Variants in ZC3H7B observed in about 807,000 individuals in gnomAD.
ZC3H7B encodes zinc finger CCCH domain-containing protein 7B.
ZC3H7B carries 35 observed loss-of-function variants against 116.0 expected under a neutral mutation model. That is an observed-to-expected ratio of 0.30 (90% CI 0.23 to 0.40). The LOEUF is 0.40. Ranked by LOEUF, ZC3H7B falls within the 10% of genes least tolerant of loss-of-function variation. ZC3H7B has a pLI of 1.00. For synonymous variants in ZC3H7B, 502 were observed against 545.6 expected (o/e 0.92, Z 1.11); for missense variants, 1,011 against 1,321.5 (o/e 0.77, Z 3.64).
At chr22:41,353,346 C>G (rs1002082055) in intron 17 of ZC3H7B, among the ~76,000 whole-genome samples, 1 of 152,228 alleles carries the variant, frequency 6.6e-6, no homozygotes, top group African/African-American at 2.4e-5. Flanking sequence ...TCGCTCTTCT[C>G]CCTCCCCACC....
chr22:41,342,466 G>C, intron 11 of ZC3H7B, 63 bp from the exon 12 acceptor site: 1 of 1,523,776 alleles, frequency 6.6e-7, no homozygotes, highest in African/African-American at 1.4e-5. Flanking sequence ...TGGTGCCCTG[G>C]CTGGCCCCAG....
chr22:41,309,633 C>T (rs1454682477), intron 1 of ZC3H7B, among the ~76,000 whole-genome samples: 2 of 152,140 alleles, frequency 1.3e-5, no homozygotes, highest in South Asian at 2.1e-4. Flanking sequence ...CTTTCCATCA[C>T]TCCATGCCAC....
At chr22:41,303,581 T>C (rs1484994442) in intron 1 of ZC3H7B, among the ~76,000 whole-genome samples, 2 of 152,190 alleles carry the variant, frequency 1.3e-5, no homozygotes, top group Admixed American at 6.5e-5. Context: ...CTGTCCTCCA[T>C]AGCAACTGTG....
intron 6 of ZC3H7B, among the ~76,000 whole-genome samples, chr22:41,331,614 TA>T (rs2036385949): frequency 6.7e-6 from 1 of 149,446 alleles, no homozygotes; most frequent in Non-Finnish European, 1.5e-5. Flanking sequence ...TTCATGCCTA[TA>T]ATCGTAGTAC....
chr22:41,355,641 G>A (rs1315796802), intron 18 of ZC3H7B, 39 bp downstream of exon 18: 1 of 1,612,978 alleles, frequency 6.2e-7, no homozygotes, highest in South Asian at 1.1e-5. Context: ...GTGGGATGGG[G>A]CCACCCTACC....
chr22:41,334,781 C>T (rs2036422829), intron 7 of ZC3H7B: 1 of 152,220 alleles, frequency 6.6e-6, no homozygotes, highest in Non-Finnish European at 1.5e-5. Flanking sequence ...GTAGGTTCTC[C>T]ACCATGAGCA....
chr22:41,306,328 T>A (rs2036040539), intron 1 of ZC3H7B, among the ~76,000 whole-genome samples: 1 of 152,100 alleles, frequency 6.6e-6, no homozygotes, highest in South Asian at 2.1e-4. Context: ...AGCAATTCTC[T>A]AGGCCCTGTT....
intron 7 of ZC3H7B, chr22:41,332,990 G>C (rs1268759538): frequency 6.6e-6 from 1 of 152,260 alleles, no homozygotes; most frequent in Non-Finnish European, 1.5e-5. Flanking sequence ...CCTGGCACAC[G>C]ACTGAGACCC....
At chr22:41,306,345 G>C (rs938736561) in intron 1 of ZC3H7B, among the ~76,000 whole-genome samples, 2 of 151,322 alleles carry the variant, frequency 1.3e-5, no homozygotes, top group Non-Finnish European at 2.9e-5. Context: ...TGTTGCAAGT[G>C]CTTTTTCCTA....
At chr22:41,342,678 CT>C in intron 12 of ZC3H7B, 50 bp downstream of exon 12, 1 of 1,512,120 alleles carries the variant, frequency 6.6e-7, no homozygotes, top group Non-Finnish European at 9.0e-7. Context: ...AACTGGGAAT[CT>C]CAGGAACATG....
intron 1 of ZC3H7B, among the ~76,000 whole-genome samples, chr22:41,309,993 C>T (rs549777288): frequency 6.6e-6 from 1 of 151,972 alleles, no homozygotes; most frequent in East Asian, 1.9e-4. Flanking sequence ...ATCACAAGTT[C>T]AGGAGATCGA....
At chr22:41,328,519 T>G (rs1024613303) in intron 5 of ZC3H7B, among the ~76,000 whole-genome samples, 1 of 152,184 alleles carries the variant, frequency 6.6e-6, no homozygotes, top group Non-Finnish European at 1.5e-5. Context: ...TTCCTTGCCC[T>G]TTTGTGCCTG....
chr22:41,356,835 G>A (rs368074715), intron 22 of ZC3H7B, 27 bp downstream of exon 22: 44 of 1,612,074 alleles, frequency 2.7e-5, no homozygotes, highest in Non-Finnish European at 3.3e-5. Context: ...AGGGCCTGGC[G>A]GGACATGGGG....
intron 1 of ZC3H7B, among the ~76,000 whole-genome samples, chr22:41,308,461 C>T (rs945134448): frequency 3.9e-5 from 6 of 152,052 alleles, no homozygotes; most frequent in South Asian, 2.1e-4. Flanking sequence ...GTGAAACGGC[C>T]GTACTGATCC....
chr22:41,356,231 G>A (rs1485713716), intron 20 of ZC3H7B, 112 bp from the exon 21 acceptor site: 8 of 1,544,284 alleles, frequency 5.2e-6, no homozygotes, highest in South Asian at 1.2e-5. Flanking sequence ...GAGGCTGAGC[G>A]GCCTATCAGC....
chr22:41,349,306 G>T lies in ZC3H7B; in HGVS notation c.1948+5G>T. The T allele has an allele frequency of 6.2e-7, 1 of 1,612,816 alleles. No homozygotes were observed. ...GGCTGCTGCAGCAGTACTCAGGTGAGGGGCAGGCGGTGCAGGTGGAGGGCA... is the reference window on the plus strand; with the variant it reads ...GGCTGCTGCAGCAGTACTCAGGTGATGGGCAGGCGGTGCAGGTGGAGGGCA... On this transcript the variant is annotated splice_donor_5th_base_variant and intron_variant, in intron 16 of 22. Transcript: ENST00000352645. This position sits in a 1 kb window ranked among gnomAD's most constrained non-coding sequence, Gnocchi z 4.9.
intron 1 of ZC3H7B, among the ~76,000 whole-genome samples, chr22:41,312,995 G>C (rs2036136590): frequency 6.6e-6 from 1 of 152,108 alleles, no homozygotes; most frequent in African/African-American, 2.4e-5. Flanking sequence ...CAAAGTGAAA[G>C]GACATTTTAC....
At position 41,349,266 on chromosome 22, in the gene ZC3H7B, TCGAGCTCAAGGTCTGGCTGCTG is replaced by T; in HGVS notation, c.1915_1936del (p.Glu639SerfsTer6). 1 of 1,613,710 alleles carries T rather than the reference TCGAGCTCAAGGTCTGGCTGCTG, an allele frequency of 6.2e-7. No homozygotes were observed. Among genetic ancestry groups the T allele is most frequent in the Non-Finnish European group, 8.5e-7 (1 of 1,179,974 alleles). ...AGCTGCCACTTCGCCCACAGCTTCA[TCGAGCTCAAGGTCTGGCTGCTG>T]CAGCAGTACTCAGGTGAGGGGCAGG... is the stretch of plus-strand genomic sequence containing the variant. On this transcript the variant is annotated frameshift_variant, in exon 16 of 23. Transcript: ENST00000352645. LOFTEE classifies it high-confidence loss of function. This position sits in a 1 kb window ranked among gnomAD's most constrained non-coding sequence, Gnocchi z 4.9.
At chr22:41,356,994 C>CTTTAA (rs542186959) in intron 22 of ZC3H7B, among the ~76,000 whole-genome samples, 183 bp from the exon 23 acceptor site, 17 of 152,258 alleles carry the variant, frequency 1.1e-4, no homozygotes, top group Admixed American at 1.1e-3. Context: ...CTATCTAGAC[C>CTTTAA]TTTAATTTGC....
Sources: allele counts gnomAD v4.1 joint callset (sites outside exome capture counted in the v4.1 genomes callset), GRCh38; gene constraint gnomAD v4.1.1; non-coding constraint Gnocchi (gnomAD v3.1); transcripts MANE v1.5; gene names NCBI Gene and HGNC (gene_info 2026-07-23, HGNC 2026-07-21).